CREB5: variants seen among roughly 807,000 people sequenced by gnomAD.
The protein encoded by CREB5 is cAMP responsive element binding protein 5.
Under a neutral mutation model 57.1 loss-of-function variants are expected in CREB5, and 19 were observed. The observed-to-expected ratio is 0.33, with a 90% CI of 0.23 to 0.49. CREB5 has a LOEUF of 0.49. CREB5 is among the 20% of genes least tolerant of loss of function. The probability of loss-of-function intolerance (pLI) is 0.99; values close to 1 mark genes in which losing one functional copy is unlikely to be tolerated. For synonymous variants in CREB5, 238 were observed against 238.3 expected (o/e 1.00, Z 0.01); for missense variants, 579 against 671.6 (o/e 0.86, Z 1.52).
At chr7:28,382,922 C>T (rs560731441) in intron 1 of CREB5, among the ~76,000 whole-genome samples, 1 of 152,122 alleles carries the variant, frequency 6.6e-6, no homozygotes, top group Non-Finnish European at 1.5e-5. Flanking sequence ...AATCGCCTGG[C>T]TGTCTGAAAG....
intron 5 of CREB5, among the ~76,000 whole-genome samples, chr7:28,604,129 G>A (rs962794777): frequency 1.3e-5 from 2 of 152,110 alleles, no homozygotes; most frequent in Non-Finnish European, 2.9e-5. Context: ...AAGAAAATTA[G>A]AAGGATCATG....
chr7:28,703,399 G>T (rs139314836), intron 5 of CREB5, among the ~76,000 whole-genome samples: 9 of 152,156 alleles, frequency 5.9e-5, no homozygotes, highest in Non-Finnish European at 1.2e-4. Context: ...AAGGAAATAT[G>T]AGGGGAAAGA....
At chr7:28,660,410 A>G (rs550210707) in intron 5 of CREB5, among the ~76,000 whole-genome samples, 19 of 118,986 alleles carry the variant, frequency 1.6e-4, no homozygotes, top group African/African-American at 5.9e-4. Flanking sequence ...TTGAGCATGT[A>G]CTATGAGTTA....
chr7:28,802,295 T>C (rs528751129), intron 7 of CREB5, among the ~76,000 whole-genome samples: 48 of 152,252 alleles, frequency 3.2e-4, no homozygotes, highest in South Asian at 1.0e-3. Flanking sequence ...TAACATACAG[T>C]CTACCATCCT....
intron 9 of CREB5, among the ~76,000 whole-genome samples, chr7:28,814,449 A>C (rs1350291172): frequency 6.6e-6 from 1 of 152,228 alleles, no homozygotes; most frequent in African/African-American, 2.4e-5. Context: ...ATGAAACTAT[A>C]AATGTTGCTT....
intron 1 of CREB5, among the ~76,000 whole-genome samples, chr7:28,461,414 T>C (rs1020571663): frequency 1.5e-5 from 2 of 136,980 alleles, no homozygotes; most frequent in Admixed American, 6.9e-5. Context: ...TTGATGGGTA[T>C]CTTTTTTAGC....
chr7:28,474,530 C>A (rs1790978566), intron 1 of CREB5, among the ~76,000 whole-genome samples: 1 of 152,094 alleles, frequency 6.6e-6, no homozygotes, highest in Admixed American at 6.5e-5. Flanking sequence ...CTGGGGTGTC[C>A]AGAGGATTTT....
rs549313509 is a variant in CREB5 at position 28,804,535 on chromosome 7, C to G, written c.1026+13C>G. The G allele has an allele frequency of 1.2e-6, 2 of 1,611,068 alleles. No homozygotes were observed. Among genetic ancestry groups the G allele is most frequent in the Non-Finnish European group, 1.7e-6 (2 of 1,177,474 alleles). On this transcript the variant is annotated intron_variant, in intron 8 of 10. Coordinates refer to ENST00000357727, the MANE Select transcript of CREB5 (RefSeq NM_182898.4). The stretch of plus-strand genomic sequence containing the variant: ...CAACCAAGCACAGGTAGACCTTTTC[C>G]GTGATCTCTTTCCCCTTCTTATTCT...
At chr7:28,672,215 A>ACACACG (rs1491194022) in intron 5 of CREB5, among the ~76,000 whole-genome samples, 1 of 151,768 alleles carries the variant, frequency 6.6e-6, no homozygotes, top group Admixed American at 6.6e-5. Flanking sequence ...ACACACACAC[A>ACACACG]AACACTGGAC....
intron 1 of CREB5, among the ~76,000 whole-genome samples, chr7:28,483,100 A>C (rs1791401074): frequency 6.6e-6 from 1 of 152,220 alleles, no homozygotes; most frequent in Admixed American, 6.5e-5. Context: ...CTCTGGGCTT[A>C]GTTGTTACCC....
chr7:28,324,270 A>G (rs1413501999), intron 1 of CREB5, among the ~76,000 whole-genome samples: 1 of 152,050 alleles, frequency 6.6e-6, no homozygotes, highest in Non-Finnish European at 1.5e-5. Flanking sequence ...GCCCCTTCAG[A>G]GCAAACCTTC....
chr7:28,502,080 C>T (rs1792296803), intron 3 of CREB5, among the ~76,000 whole-genome samples: 1 of 152,080 alleles, frequency 6.6e-6, no homozygotes. Context: ...CCAGGTCTGC[C>T]TTGGTTTGTC....
chr7:28,359,312 C>T (rs1282491290), intron 1 of CREB5, among the ~76,000 whole-genome samples: 1 of 151,892 alleles, frequency 6.6e-6, no homozygotes, highest in African/African-American at 2.4e-5. Flanking sequence ...GCTGCATTTC[C>T]TCAAAAGAAA....
At chr7:28,716,732 C>A (rs536840059) in intron 5 of CREB5, among the ~76,000 whole-genome samples, 1 of 152,322 alleles carries the variant, frequency 6.6e-6, no homozygotes, top group South Asian at 2.1e-4. Context: ...GAGCCACATC[C>A]TATACCTATC....
At chr7:28,299,877 G>C (rs1182371990) in intron 1 of CREB5, among the ~76,000 whole-genome samples, 3 of 152,058 alleles carry the variant, frequency 2.0e-5, no homozygotes, top group African/African-American at 7.2e-5. Context: ...ACATCAACAT[G>C]GTCTTGAAAT....
chr7:28,464,132 G>C (rs1790460888), intron 1 of CREB5, among the ~76,000 whole-genome samples: 1 of 152,090 alleles, frequency 6.6e-6, no homozygotes, highest in Non-Finnish European at 1.5e-5. Context: ...TTATTATATT[G>C]ATTGGTTTTC....
chr7:28,637,438 A>G (rs899093543), intron 5 of CREB5, among the ~76,000 whole-genome samples: 2 of 152,174 alleles, frequency 1.3e-5, no homozygotes, highest in Admixed American at 1.3e-4. Context: ...AAAAAACAAG[A>G]TACAATTCTA....
At chr7:28,792,063 G>T (rs1807747492) in intron 7 of CREB5, among the ~76,000 whole-genome samples, 1 of 152,204 alleles carries the variant, frequency 6.6e-6, no homozygotes, top group Admixed American at 6.5e-5. Flanking sequence ...CCAGCACCTT[G>T]GAAGGCTAAG....
At chr7:28,494,874 C>G in intron 2 of CREB5, 32 bp from the exon 3 acceptor site, 2 of 1,383,792 alleles carry the variant, frequency 1.4e-6, no homozygotes, top group Non-Finnish European at 1.9e-6. Context: ...GGCTCCTCTT[C>G]TCCCCTCCCT....
Sources: allele counts gnomAD v4.1 joint callset (sites outside exome capture counted in the v4.1 genomes callset), GRCh38; gene constraint gnomAD v4.1.1; transcripts MANE v1.5; gene names NCBI Gene and HGNC (gene_info 2026-07-23, HGNC 2026-07-21).